ATXN1: variants seen among roughly 807,000 people sequenced by gnomAD.
ATXN1 encodes the protein ataxin-1.
ATXN1 carries 8 observed loss-of-function variants against 56.4 expected under a neutral mutation model. The ratio of observed to expected loss-of-function variants is 0.14; its 90% confidence interval spans 0.08 to 0.26. ATXN1 has a LOEUF of 0.26. Among genes scored for constraint, ATXN1 ranks in the 10% least tolerant of loss-of-function variants. The pLI is 1.00. For missense variants in ATXN1, 987 were observed against 1,106.5 expected, an observed-to-expected ratio of 0.89 and a Z score of 1.53; for synonymous variants, 514 against 494.6, an observed-to-expected ratio of 1.04 and a Z score of -0.52.
chr6:16,513,351 G>T (rs1761117351), intron 5 of ATXN1, among the ~76,000 whole-genome samples: 1 of 152,170 alleles, frequency 6.6e-6, no homozygotes, highest in Non-Finnish European at 1.5e-5. Flanking sequence ...AAAGAATATA[G>T]ATATCACTGG....
intron 6 of ATXN1, among the ~76,000 whole-genome samples, chr6:16,347,286 C>T (rs963307925): frequency 6.6e-6 from 1 of 152,256 alleles, no homozygotes; most frequent in East Asian, 1.9e-4. Flanking sequence ...TAGGTGAAGC[C>T]AGCTGGGCTC....
chr6:16,494,908 G>A (rs1406742696), intron 5 of ATXN1, among the ~76,000 whole-genome samples: 3 of 152,174 alleles, frequency 2.0e-5, no homozygotes, highest in Admixed American at 6.5e-5. Flanking sequence ...AGACAGGGAG[G>A]TCTGGGTCTA....
At chr6:16,535,004 C>T (rs544203671) in intron 4 of ATXN1, among the ~76,000 whole-genome samples, 37 of 152,356 alleles carry the variant, frequency 2.4e-4, no homozygotes, top group African/African-American at 8.2e-4. Context: ...AGCACCAAGT[C>T]TGACTTGGAT....
chr6:16,680,293 T>C (rs1758787579), intron 2 of ATXN1, among the ~76,000 whole-genome samples: 1 of 152,174 alleles, frequency 6.6e-6, no homozygotes, highest in Non-Finnish European at 1.5e-5. Context: ...TAACTAATTA[T>C]CACAACATTT....
chr6:16,347,127 C>T (rs1398088136), intron 6 of ATXN1, among the ~76,000 whole-genome samples: 9 of 152,236 alleles, frequency 5.9e-5, no homozygotes, highest in Non-Finnish European at 1.2e-4. Context: ...CCCCCTGCCC[C>T]TCCGTGGGCT....
intron 6 of ATXN1, among the ~76,000 whole-genome samples, chr6:16,423,843 T>A (rs1044920512): frequency 1.1e-4 from 16 of 152,204 alleles, no homozygotes; most frequent in Non-Finnish European, 1.5e-4. Flanking sequence ...ATTATTCTGA[T>A]CACAAACAAT....
At chr6:16,423,070 G>C (rs566328881) in intron 6 of ATXN1, among the ~76,000 whole-genome samples, 2 of 152,262 alleles carry the variant, frequency 1.3e-5, no homozygotes, top group East Asian at 3.9e-4. Context: ...CAGGGGTAGG[G>C]GGAGTCTTTA....
chr6:16,687,657 T>TACAC (rs57034032), intron 2 of ATXN1, among the ~76,000 whole-genome samples: 6,687 of 143,328 alleles, frequency 0.047, 195 homozygotes, highest in African/African-American at 0.058. Flanking sequence ...AAAGAAGAAA[T>TACAC]ACACACACAC....
At chr6:16,514,819 T>C (rs950357266) in intron 5 of ATXN1, among the ~76,000 whole-genome samples, 6 of 151,714 alleles carry the variant, frequency 4.0e-5, no homozygotes, top group Middle Eastern at 3.4e-3. Context: ...CCATCTCTAC[T>C]AAAAATACAA....
At chr6:16,348,045 G>A (rs902414137) in intron 6 of ATXN1, among the ~76,000 whole-genome samples, 1 of 152,160 alleles carries the variant, frequency 6.6e-6, no homozygotes, top group African/African-American at 2.4e-5. Flanking sequence ...GCCGCTTTAA[G>A]AACTGTAACA....
chr6:16,699,863 C>A (rs769977576), intron 2 of ATXN1, among the ~76,000 whole-genome samples: 1 of 151,992 alleles, frequency 6.6e-6, no homozygotes, highest in Non-Finnish European at 1.5e-5. Context: ...ATTTTGCTCA[C>A]GAACATTTTT....
chr6:16,511,297 T>C (rs1048390377), intron 5 of ATXN1, among the ~76,000 whole-genome samples: 4 of 152,184 alleles, frequency 2.6e-5, no homozygotes, highest in African/African-American at 9.6e-5. Flanking sequence ...AAAATCATCC[T>C]GATTTCCAGG....
At chr6:16,335,637 C>CA (rs1278141695) in intron 6 of ATXN1, among the ~76,000 whole-genome samples, 2 of 152,206 alleles carry the variant, frequency 1.3e-5, no homozygotes, top group African/African-American at 2.4e-5. Flanking sequence ...TATGCCCACT[C>CA]AGAACCTGGG....
chr6:16,622,383 G>T (rs112790112), intron 3 of ATXN1, among the ~76,000 whole-genome samples: 3 of 152,130 alleles, frequency 2.0e-5, no homozygotes, highest in Non-Finnish European at 4.4e-5. Context: ...TGGTGGTGGT[G>T]GTTGGTGGTG....
At chr6:16,441,556 A>G (rs921235828) in intron 6 of ATXN1, among the ~76,000 whole-genome samples, 4 of 152,178 alleles carry the variant, frequency 2.6e-5, no homozygotes, top group African/African-American at 7.2e-5. Context: ...GAAAACTTTA[A>G]TATTTCAAAA....
intron 6 of ATXN1, among the ~76,000 whole-genome samples, chr6:16,396,259 TA>T (rs749738695): frequency 4.2e-3 from 600 of 143,156 alleles, no homozygotes; most frequent in African/African-American, 9.6e-3. Context: ...ACAGAAAACT[TA>T]AAAAAAAAAA....
chr6:16,577,832 C>T (rs1762451923), intron 4 of ATXN1, among the ~76,000 whole-genome samples: 1 of 152,102 alleles, frequency 6.6e-6, no homozygotes, highest in Non-Finnish European at 1.5e-5. Flanking sequence ...GAGGGCTCTA[C>T]AATTTACAAA....
chr6:16,631,985 TATTA>T (rs1246716023), intron 3 of ATXN1, among the ~76,000 whole-genome samples: 1 of 152,230 alleles, frequency 6.6e-6, no homozygotes. Context: ...GGATTCTTAT[TATTA>T]ATTAGTCTCA....
At position 16,589,185 on chromosome 6, in the gene ATXN1, C is replaced by A. The variant is rs559384876; in HGVS notation, c.-488-3278G>T. On this transcript the variant is annotated intron_variant, in intron 3 of 7. Transcript: ENST00000436367. ...CTGGGAAGTGGGGGCCCTTTTCTCT[C>A]ATTTTTCTACAACCCCTGTACCTAT... is the stretch of plus-strand genomic sequence containing the variant. Among the ~76,000 whole-genome samples the A allele has an allele frequency of 5.9e-5, 9 of 152,192 alleles. No homozygotes were observed. The South Asian group carries it at 1.9e-3, about 32-fold the overall frequency.
Sources: gnomAD v4.1 joint callset for allele counts (sites outside exome capture counted in the v4.1 genomes callset) on GRCh38, gnomAD v4.1.1 for gene constraint, MANE v1.5 for transcripts, NCBI Gene and HGNC (gene_info 2026-07-23, HGNC 2026-07-21) for gene names.